PCDHGB1: variants seen among roughly 807,000 people sequenced by gnomAD.
PCDHGB1 encodes protocadherin gamma subfamily B, 1, also known as protocadherin gamma-B1.
Under a neutral mutation model 56.6 loss-of-function variants are expected in PCDHGB1, and 34 were observed. That is an observed-to-expected ratio of 0.60 (90% CI 0.46 to 0.80). The LOEUF (loss-of-function observed/expected upper bound fraction) is 0.80. Ranked by LOEUF, PCDHGB1 falls within the 30% of genes least tolerant of loss-of-function variation. The pLI, the probability that PCDHGB1 is intolerant of heterozygous loss-of-function variation, is 0.00. For missense variants in PCDHGB1, 1,278 were observed against 1,204.6 expected, an observed-to-expected ratio of 1.06 and a Z score of -0.90; for synonymous variants, 561 against 505.9, an observed-to-expected ratio of 1.11 and a Z score of -1.46.
intron 1 of PCDHGB1, chr5:141,414,274 G>C: frequency 1.9e-6 from 3 of 1,613,368 alleles, no homozygotes; most frequent in Non-Finnish European, 2.5e-6. Flanking sequence ...TTCACCTCTG[G>C]GAACAGTCGT....
chr5:141,478,092 C>T (rs2099429960), intron 1 of PCDHGB1: 1 of 1,614,156 alleles, frequency 6.2e-7, no homozygotes, highest in Non-Finnish European at 8.5e-7. Flanking sequence ...CTCTCCACCA[C>T]TGCTACCCTC....
intron 1 of PCDHGB1, chr5:141,389,201 C>T: frequency 1.2e-6 from 2 of 1,614,034 alleles, no homozygotes; most frequent in Non-Finnish European, 1.7e-6. Flanking sequence ...TCACCCTGCA[C>T]ATTGGTGATG....
At chr5:141,462,459 C>T (rs190781980) in intron 1 of PCDHGB1, among the ~76,000 whole-genome samples, 11 of 152,128 alleles carry the variant, frequency 7.2e-5, no homozygotes, top group Admixed American at 2.6e-4. Flanking sequence ...TAACTGAAAA[C>T]TGTGTATTCT....
chr5:141,422,919 G>C (rs1445179310), intron 1 of PCDHGB1: 9 of 1,614,120 alleles, frequency 5.6e-6, no homozygotes, highest in Non-Finnish European at 6.8e-6. Context: ...CCGAGATCCT[G>C]TACCCTGCCC....
intron 1 of PCDHGB1, chr5:141,388,870 G>T (rs1196888001): frequency 4.3e-6 from 7 of 1,613,964 alleles, no homozygotes; most frequent in Non-Finnish European, 5.9e-6. Flanking sequence ...ATTGCGCAAT[G>T]CACAGTGGAG....
At chr5:141,460,043 A>G (rs527752346) in intron 1 of PCDHGB1, among the ~76,000 whole-genome samples, 1 of 152,276 alleles carries the variant, frequency 6.6e-6, no homozygotes, top group South Asian at 2.1e-4. Context: ...GCACCACTGC[A>G]CTCCAGCCTG....
chr5:141,356,446 T>C, intron 1 of PCDHGB1: 1 of 1,612,712 alleles, frequency 6.2e-7, no homozygotes, highest in Non-Finnish European at 8.5e-7. Flanking sequence ...GGAAGAAGTC[T>C]CAGAATATAA....
chr5:141,404,147 G>A lies in PCDHGB1; in HGVS notation c.2409+51478G>A, dbSNP rs750117507. 2 of 1,612,990 alleles carry A rather than the reference G, an allele frequency of 1.2e-6. No homozygotes were observed. The highest frequency in any genetic ancestry group is 1.7e-6 in the Non-Finnish European group (2 of 1,179,340). ...ATCTTTTACATTAGAAAATTCAGAA[G>A]AAGATTATTACAGATTGTTGACGGC... On this transcript the variant is annotated intron_variant, in intron 1 of 3. Coordinates refer to ENST00000523390, the MANE Select transcript of PCDHGB1 (RefSeq NM_018922.3).
In PCDHGB1 at chr5:141,432,039, G is replaced by A; in HGVS notation, c.2410-62768G>A. 1 of 1,614,176 alleles carries A rather than the reference G, an allele frequency of 6.2e-7. No individual in the cohort carries two copies. The highest frequency in any genetic ancestry group is 8.5e-7 in the Non-Finnish European group (1 of 1,180,028). ...AACATCACAGTGACCGCCACTGACC[G>A]GGGAACCCCGCCCCTATCCACGGAA... On this transcript the variant is annotated intron_variant, in intron 1 of 3. Coordinates refer to ENST00000523390, the MANE Select transcript of PCDHGB1 (RefSeq NM_018922.3). This position sits in a 1 kb window ranked among gnomAD's most constrained non-coding sequence, Gnocchi z 6.0.
intron 1 of PCDHGB1, chr5:141,392,130 A>T (rs770884253): frequency 6.6e-6 from 1 of 152,238 alleles, no homozygotes; most frequent in African/African-American, 2.4e-5. Context: ...TTGTAAAATG[A>T]TTAAGTAGTT....
intron 1 of PCDHGB1, among the ~76,000 whole-genome samples, chr5:141,465,280 C>T (rs922029628): frequency 7.2e-5 from 11 of 151,990 alleles, no homozygotes; most frequent in Non-Finnish European, 1.5e-4. Flanking sequence ...TTAGTTCACC[C>T]CTAAAGAACT....
chr5:141,388,144 G>A (rs1327741980), intron 1 of PCDHGB1: 2 of 1,458,202 alleles, frequency 1.4e-6, no homozygotes, highest in Non-Finnish European at 9.5e-7. Flanking sequence ...TTGCTTGTGA[G>A]CAGCAGGCTA....
Position 141,370,733 on chromosome 5 carries a change from T to C in PCDHGB1, c.2409+18064T>C, listed in dbSNP as rs764261281. On this transcript the variant is annotated intron_variant, in intron 1 of 3. Coordinates refer to ENST00000523390, the MANE Select transcript of PCDHGB1 (RefSeq NM_018922.3). Reference sequence around the variant, plus strand: ...AATTTGAAATGGTTGCTGAAAAGCCTTTAAACTTTTTTCATGTAACTGTGC... The same window carrying C: ...AATTTGAAATGGTTGCTGAAAAGCCCTTAAACTTTTTTCATGTAACTGTGC... The C allele has an allele frequency of 1.2e-4, 186 of 1,613,884 alleles. No homozygotes were observed. The Admixed American group carries it at 1.2e-3, about 10-fold the overall frequency.
chr5:141,400,290 C>T, intron 1 of PCDHGB1: 3 of 1,614,090 alleles, frequency 1.9e-6, no homozygotes, highest in Non-Finnish European at 2.5e-6. Context: ...CCGCCTGGAG[C>T]TGCTTCCAAC....
At chr5:141,371,225 C>A in intron 1 of PCDHGB1, 1 of 1,614,046 alleles carries the variant, frequency 6.2e-7, no homozygotes, top group Non-Finnish European at 8.5e-7. Context: ...ATGCCGAAAT[C>A]ATCTATGCCT....
intron 1 of PCDHGB1, among the ~76,000 whole-genome samples, chr5:141,483,618 C>T (rs1441906179): frequency 6.6e-6 from 1 of 151,536 alleles, no homozygotes; most frequent in Non-Finnish European, 1.5e-5. Flanking sequence ...TCCATCATTC[C>T]CATGGGAGAA....
At chr5:141,403,171 G>C (rs542727163) in intron 1 of PCDHGB1, 1 of 1,614,042 alleles carries the variant, frequency 6.2e-7, no homozygotes, top group Admixed American at 1.7e-5. Flanking sequence ...GTAGGACGCA[G>C]CTTTTCTCTC....
chr5:141,408,475 C>A, intron 1 of PCDHGB1: 3 of 1,614,032 alleles, frequency 1.9e-6, no homozygotes, highest in Non-Finnish European at 1.7e-6. Flanking sequence ...ACCGAATAGA[C>A]CGTGAGCAAA....
chr5:141,357,256 G>C, intron 1 of PCDHGB1: 1 of 1,613,738 alleles, frequency 6.2e-7, no homozygotes, highest in Admixed American at 1.7e-5. Flanking sequence ...AGACCCAGAC[G>C]ACTCGGGCCT....
Sources: gnomAD v4.1 joint callset for allele counts (sites outside exome capture counted in the v4.1 genomes callset) on GRCh38, gnomAD v4.1.1 for gene constraint, Gnocchi (gnomAD v3.1) non-coding constraint, MANE v1.5 for transcripts, NCBI Gene and HGNC (gene_info 2026-07-23, HGNC 2026-07-21) for gene names.